The following SESTD1 variants were observed in gnomAD, a reference collection of about 807,000 sequenced individuals.
SESTD1 encodes SEC14 domain and spectrin repeat-containing protein 1.
Under a neutral mutation model 101.7 loss-of-function variants are expected in SESTD1, and 43 were observed. The observed-to-expected ratio is 0.42, with a 90% CI of 0.33 to 0.55. The LOEUF is 0.55. Ranked by LOEUF, SESTD1 falls within the 20% of genes least tolerant of loss-of-function variation. The pLI is 0.07. For missense variants in SESTD1, 647 were observed against 815.1 expected, an observed-to-expected ratio of 0.79 and a Z score of 2.51; for synonymous variants, 283 against 286.8, an observed-to-expected ratio of 0.99 and a Z score of 0.13.
chr2:179,192,019 T>C (rs942624103), intron 1 of SESTD1, among the ~76,000 whole-genome samples, 153 bp from the exon 2 acceptor site: 1 of 152,164 alleles, frequency 6.6e-6, no homozygotes, highest in Admixed American at 6.5e-5. Context: ...ATCCTGTGCA[T>C]TGTAGAATAG....
intron 1 of SESTD1, among the ~76,000 whole-genome samples, chr2:179,228,128 C>A (rs1290004838): frequency 1.3e-5 from 2 of 152,140 alleles, no homozygotes; most frequent in Non-Finnish European, 1.5e-5. Flanking sequence ...TGTATAGTCC[C>A]CAGACCCTCA....
chr2:179,192,744 A>G (rs958584550), intron 1 of SESTD1, among the ~76,000 whole-genome samples: 2 of 152,230 alleles, frequency 1.3e-5, no homozygotes, highest in African/African-American at 4.8e-5. Context: ...GATTTTAAGG[A>G]GAGCAGGACC....
intron 1 of SESTD1, among the ~76,000 whole-genome samples, chr2:179,252,156 T>G (rs140644242): frequency 3.3e-5 from 5 of 152,372 alleles, no homozygotes; most frequent in African/African-American, 1.2e-4. Context: ...TAACAGAAAC[T>G]GTTATGTTCA....
At chr2:179,236,757 T>G (rs925255978) in intron 1 of SESTD1, among the ~76,000 whole-genome samples, 9 of 151,628 alleles carry the variant, frequency 5.9e-5, no homozygotes, top group African/African-American at 1.7e-4. Flanking sequence ...TAGTTTTTTT[T>G]TTTTTTTTTT....
chr2:179,212,678 T>C lies in SESTD1; in HGVS notation c.-25-20812A>G, dbSNP rs560540967. ...CGTTTGAGCTCTGAGAATGGACAGA[T>C]TGCCTCTTCAAGTGGGTCCCTGACC... On this transcript the variant is annotated intron_variant, in intron 1 of 17. Transcript: ENST00000428443. 5.2e-5 allele frequency among the ~76,000 whole-genome samples: 7 copies of C among 135,312 alleles called. 3 individuals carry two copies. The highest frequency in any genetic ancestry group is 5.6e-4 in the South Asian group (2 of 3,554). The allele number at this position is 135,312 out of a possible 152,430, so 88.8% of individuals were successfully genotyped here. A position where few individuals can be genotyped will look rare whatever the true frequency, so the allele number is the denominator to read the frequency against.
chr2:179,178,356 C>T (rs948479654), intron 3 of SESTD1, among the ~76,000 whole-genome samples: 1 of 151,990 alleles, frequency 6.6e-6, no homozygotes, highest in African/African-American at 2.4e-5. Context: ...GGGGGCTAGG[C>T]GTGGTGCCTC....
At chr2:179,180,761 A>G (rs933266106) in intron 3 of SESTD1, among the ~76,000 whole-genome samples, 5 of 152,190 alleles carry the variant, frequency 3.3e-5, no homozygotes, top group African/African-American at 7.2e-5. Context: ...AATGAAAAAC[A>G]TTGGTTTTAA....
intron 1 of SESTD1, among the ~76,000 whole-genome samples, chr2:179,194,573 T>A (rs116557002): frequency 4.9e-4 from 75 of 152,206 alleles, no homozygotes; most frequent in African/African-American, 1.7e-3. Flanking sequence ...GGTGAGCAGA[T>A]GAAGTGCATA....
chr2:179,113,555 T>G (rs2044559440), intron 16 of SESTD1, among the ~76,000 whole-genome samples: 1 of 152,132 alleles, frequency 6.6e-6, no homozygotes, highest in Non-Finnish European at 1.5e-5. Context: ...TTTTACAACT[T>G]TTTTTTGCAT....
At chr2:179,255,653 G>A (rs565056668) in intron 1 of SESTD1, among the ~76,000 whole-genome samples, 1 of 152,338 alleles carries the variant, frequency 6.6e-6, no homozygotes, top group East Asian at 1.9e-4. Flanking sequence ...AAGTGCTGAT[G>A]TAGAAGCTGC....
chr2:179,250,331 TAC>T (rs1245562658), intron 1 of SESTD1, among the ~76,000 whole-genome samples: 1 of 152,212 alleles, frequency 6.6e-6, no homozygotes, highest in Non-Finnish European at 1.5e-5. Context: ...GAGACATCAC[TAC>T]AAACTTATCA....
intron 1 of SESTD1, among the ~76,000 whole-genome samples, chr2:179,230,454 A>T (rs995729770): frequency 2.0e-5 from 3 of 152,046 alleles, no homozygotes; most frequent in Non-Finnish European, 4.4e-5. Context: ...ATCTCTTTAA[A>T]CAAGCACTTA....
Position 179,149,294 on chromosome 2 carries a change from T to C in SESTD1, c.581+3A>G. Reference sequence around the variant, plus strand: ...ATATAATTGCATGCCACTAGCCACCTACCTTTCTTTCTCTTGCTGATTTCC... The same window carrying C: ...ATATAATTGCATGCCACTAGCCACCCACCTTTCTTTCTCTTGCTGATTTCC... On this transcript the variant is annotated splice_donor_region_variant and intron_variant, in intron 7 of 17. Transcript: ENST00000428443. 1 of 1,605,830 alleles carries C rather than the reference T, an allele frequency of 6.2e-7. No individual in the cohort carries two copies. The highest frequency in any genetic ancestry group is 8.5e-7 in the Non-Finnish European group (1 of 1,175,424).
intron 3 of SESTD1, among the ~76,000 whole-genome samples, chr2:179,179,567 A>G (rs2046071919): frequency 6.6e-6 from 1 of 152,214 alleles, no homozygotes; most frequent in Non-Finnish European, 1.5e-5. Flanking sequence ...AATTTCACTT[A>G]TGCTTTTATT....
chr2:179,251,140 A>C (rs1337988294), intron 1 of SESTD1, among the ~76,000 whole-genome samples: 1 of 152,220 alleles, frequency 6.6e-6, no homozygotes, highest in Non-Finnish European at 1.5e-5. Flanking sequence ...CCAGTGAATT[A>C]TGCTGAATTA....
intron 1 of SESTD1, among the ~76,000 whole-genome samples, chr2:179,225,266 C>T (rs1433433930): frequency 1.3e-5 from 2 of 152,070 alleles, no homozygotes; most frequent in Non-Finnish European, 2.9e-5. Context: ...GAAAAAACAA[C>T]TTAGGGTTTT....
At chr2:179,179,568 T>C (rs951708966) in intron 3 of SESTD1, among the ~76,000 whole-genome samples, 6 of 152,226 alleles carry the variant, frequency 3.9e-5, no homozygotes, top group Non-Finnish European at 5.9e-5. Context: ...ATTTCACTTA[T>C]GCTTTTATTA....
At chr2:179,263,318 G>C (rs1429809286) in intron 1 of SESTD1, among the ~76,000 whole-genome samples, 2 of 152,152 alleles carry the variant, frequency 1.3e-5, no homozygotes, top group Non-Finnish European at 2.9e-5. Flanking sequence ...CTAGGTATTG[G>C]CATAACTTAA....
intron 9 of SESTD1, among the ~76,000 whole-genome samples, chr2:179,138,675 G>T (rs1189608984): frequency 6.6e-6 from 1 of 151,850 alleles, no homozygotes; most frequent in African/African-American, 2.4e-5. Flanking sequence ...CTGCAGCCTG[G>T]GAAGCATGGT....
Sources: gnomAD v4.1 joint callset for allele counts (sites outside exome capture counted in the v4.1 genomes callset) on GRCh38, gnomAD v4.1.1 for gene constraint, MANE v1.5 for transcripts, NCBI Gene and HGNC (gene_info 2026-07-23, HGNC 2026-07-21) for gene names.